The following RPTOR variants were observed in gnomAD, a reference collection of about 807,000 sequenced individuals.
RPTOR encodes the protein regulatory-associated protein of mTOR.
RPTOR carries 21 observed loss-of-function variants against 169.9 expected under a neutral mutation model. That is an observed-to-expected ratio of 0.12 (90% CI 0.09 to 0.18). The LOEUF is 0.18. Ranked by LOEUF, RPTOR falls within the 10% of genes least tolerant of loss-of-function variation. RPTOR has a pLI of 1.00. For synonymous variants in RPTOR, 732 were observed against 753.2 expected (o/e 0.97, Z 0.46); for missense variants, 1,133 against 1,855.9 (o/e 0.61, Z 7.16).
intron 4 of RPTOR, among the ~76,000 whole-genome samples, chr17:80,725,926 A>C (rs2066328886): frequency 6.6e-6 from 1 of 152,184 alleles, no homozygotes; most frequent in Admixed American, 6.5e-5. Context: ...CAACCAGGGA[A>C]ACTTTTCCCC....
chr17:80,546,277 A>C (rs2084273668), intron 1 of RPTOR, among the ~76,000 whole-genome samples: 1 of 152,232 alleles, frequency 6.6e-6, no homozygotes, highest in African/African-American at 2.4e-5. Flanking sequence ...AGTTATTATA[A>C]AGTTACACTG....
rs372263178 is a variant in RPTOR at position 80,750,876 on chromosome 17, C to T, written c.655-3134C>T. Among the ~76,000 whole-genome samples the T allele has an allele frequency of 1.4e-4, 21 of 152,092 alleles. No individual in the cohort carries two copies. The East Asian group carries it at 1.9e-3, about 14-fold the overall frequency. On this transcript the variant is annotated intron_variant, in intron 5 of 33. Transcript: ENST00000306801. The stretch of plus-strand genomic sequence containing the variant: ...ATGTCACCGAACTGTACATTTGAAA[C>T]AGTTAACATGGCAAATTTTATGCTA...
chr17:80,860,196 C>T lies in RPTOR; in HGVS notation c.1509+2296C>T, dbSNP rs1416814826. Among the ~76,000 whole-genome samples, 1 of 152,242 alleles carries T rather than the reference C, an allele frequency of 6.6e-6. No homozygotes were observed. Among genetic ancestry groups the T allele is most frequent in the Non-Finnish European group, 1.5e-5 (1 of 68,038 alleles). On this transcript the variant is annotated intron_variant, in intron 13 of 33. Transcript: ENST00000306801. The surrounding 1 kb of genome is among the most constrained non-coding windows in gnomAD (Gnocchi z 5.8). The stretch of plus-strand genomic sequence containing the variant: ...AGTCACTGGCACTGAGACCCAGCCT[C>T]ATCCTTAGCCCTGTCAGCCATGTCG...
chr17:80,914,830 C>A (rs1176720328), intron 21 of RPTOR, among the ~76,000 whole-genome samples: 1 of 152,240 alleles, frequency 6.6e-6, no homozygotes, highest in East Asian at 1.9e-4. Context: ...CAGACAGGGT[C>A]CTGGGCAGAA....
chr17:80,801,751 A>G (rs1356118159), intron 7 of RPTOR: 1 of 152,258 alleles, frequency 6.6e-6, no homozygotes, highest in African/African-American at 2.4e-5. Flanking sequence ...GTAACGAGGC[A>G]CTAGACGCTG....
chr17:80,743,713 T>TTACTAGCAGAGC (rs2066510222), intron 5 of RPTOR, among the ~76,000 whole-genome samples: 1 of 68,628 alleles, frequency 1.5e-5, no homozygotes. Flanking sequence ...ACTAGCACTG[T>TTACTAGCAGAGC]CCTGGCTACG....
intron 7 of RPTOR, among the ~76,000 whole-genome samples, chr17:80,812,152 G>A (rs945517448): frequency 1.3e-5 from 2 of 152,098 alleles, no homozygotes; most frequent in African/African-American, 4.8e-5. Flanking sequence ...TAATTTCCAG[G>A]GTTTAAAAAG....
chr17:80,651,915 G>A lies in RPTOR; in HGVS notation c.348+8105G>A, dbSNP rs573368573. On this transcript the variant is annotated intron_variant, in intron 3 of 33. Coordinates refer to ENST00000306801, the MANE Select transcript of RPTOR (RefSeq NM_020761.3). This position sits in a 1 kb window ranked among gnomAD's most constrained non-coding sequence, Gnocchi z 4.1. ...CCCAGTTACTCAGGAGGCTGAGGCA[G>A]GAGAATGGCATGAACCCGGGAGGTG... is the stretch of plus-strand genomic sequence containing the variant. Among the ~76,000 whole-genome samples, 6 of 152,102 alleles carry A rather than the reference G, an allele frequency of 3.9e-5. No homozygotes were observed. The highest frequency in any genetic ancestry group is 5.9e-5 in the Non-Finnish European group (4 of 68,016).
chr17:80,644,126 A>C (rs1346605425), intron 3 of RPTOR, among the ~76,000 whole-genome samples: 2 of 152,190 alleles, frequency 1.3e-5, no homozygotes, highest in Non-Finnish European at 2.9e-5. Flanking sequence ...TTTCTCAGGA[A>C]ATGTATTTTC....
chr17:80,926,599 A>T (rs929645655), intron 24 of RPTOR, among the ~76,000 whole-genome samples: 5 of 152,238 alleles, frequency 3.3e-5, no homozygotes, highest in African/African-American at 4.8e-5. Flanking sequence ...ATTTGATGAG[A>T]TATTATTGGA....
chr17:80,884,951 G>T, intron 16 of RPTOR, 57 bp from the exon 17 acceptor site: 1 of 1,562,710 alleles, frequency 6.4e-7, no homozygotes, highest in Non-Finnish European at 8.7e-7. Flanking sequence ...TGGCAGAAAG[G>T]CAGGCTGCAG....
At position 80,959,453 on chromosome 17, in the gene RPTOR, G is replaced by T. The variant is rs531087313; in HGVS notation, c.3478-625G>T. Among the ~76,000 whole-genome samples the T allele has an allele frequency of 6.6e-6, 1 of 152,134 alleles. No individual in the cohort carries two copies. The highest frequency in any genetic ancestry group is 1.5e-5 in the Non-Finnish European group (1 of 68,004). ...AGGGGTCTGGCCCCATCATCCCCAC[G>T]CCTGTGTTTCCTCCTGGAGTGCACA... On this transcript the variant is annotated intron_variant, in intron 29 of 33. Transcript: ENST00000306801. This position sits in a 1 kb window ranked among gnomAD's most constrained non-coding sequence, Gnocchi z 6.7.
intron 21 of RPTOR, among the ~76,000 whole-genome samples, chr17:80,916,019 C>T (rs2068669542): frequency 6.6e-6 from 1 of 152,162 alleles, no homozygotes; most frequent in Admixed American, 6.5e-5. Flanking sequence ...CTCAGTAAAG[C>T]TCCTCTTCAG....
intron 21 of RPTOR, among the ~76,000 whole-genome samples, chr17:80,910,842 C>CTTTTT (rs11351495): frequency 7.3e-6 from 1 of 137,770 alleles, no homozygotes; most frequent in Non-Finnish European, 1.6e-5. Context: ...TTCTTCAGTT[C>CTTTTT]TTTTTTTTTT....
At chr17:80,589,825 T>C (rs1370527018) in intron 1 of RPTOR, among the ~76,000 whole-genome samples, 1 of 152,222 alleles carries the variant, frequency 6.6e-6, no homozygotes, top group Non-Finnish European at 1.5e-5. Flanking sequence ...TTTATTTGGA[T>C]TTCTATAAAC....
intron 1 of RPTOR, among the ~76,000 whole-genome samples, chr17:80,556,241 C>T (rs773532647): frequency 7.9e-5 from 12 of 152,108 alleles, no homozygotes; most frequent in Non-Finnish European, 1.5e-5. Flanking sequence ...CAAATTTATA[C>T]ACAACAATTC....
intron 6 of RPTOR, among the ~76,000 whole-genome samples, chr17:80,760,596 C>A (rs1390138163): frequency 6.6e-6 from 1 of 152,146 alleles, no homozygotes; most frequent in Non-Finnish European, 1.5e-5. Context: ...GCCACCGCAC[C>A]CAGCCTCAGT....
At chr17:80,770,966 C>T (rs1040636984) in intron 6 of RPTOR, among the ~76,000 whole-genome samples, 3 of 152,256 alleles carry the variant, frequency 2.0e-5, no homozygotes, top group African/African-American at 4.8e-5. Flanking sequence ...TCTCCTGGCC[C>T]GGGGCAGTCC....
intron 24 of RPTOR, among the ~76,000 whole-genome samples, chr17:80,939,733 G>A (rs986787975): frequency 6.6e-6 from 1 of 152,204 alleles, no homozygotes; most frequent in Non-Finnish European, 1.5e-5. Flanking sequence ...GTTCCCTTTG[G>A]CATTAGAGAG....
Sources: gnomAD v4.1 joint callset for allele counts (sites outside exome capture counted in the v4.1 genomes callset) on GRCh38, gnomAD v4.1.1 for gene constraint, Gnocchi (gnomAD v3.1) non-coding constraint, MANE v1.5 for transcripts, NCBI Gene and HGNC (gene_info 2026-07-23, HGNC 2026-07-21) for gene names.